The following FBL variants were observed in gnomAD, a reference collection of about 807,000 sequenced individuals.
FBL encodes the protein rRNA 2'-O-methyltransferase fibrillarin.
In FBL, 10 loss-of-function variants were observed where a neutral mutation model predicts 42.2. The ratio of observed to expected loss-of-function variants is 0.24; its 90% CI spans 0.15 to 0.40. The LOEUF (loss-of-function observed/expected upper bound fraction) is 0.40, where lower values mean the gene tolerates loss of function less well. Ranked by LOEUF, FBL falls within the 10% of genes least tolerant of loss-of-function variation. The pLI, the probability that FBL is intolerant of heterozygous loss-of-function variation, is 1.00. For missense variants in FBL, 351 were observed against 439.2 expected (o/e 0.80, Z 1.79); for synonymous variants, 165 against 165.4 (o/e 1.00, Z 0.02).
chr19:39,838,910 C>A (rs1166507713), intron 5 of FBL, 125 bp downstream of exon 5: 4 of 818,026 alleles, frequency 4.9e-6, no homozygotes, highest in South Asian at 1.7e-5. Flanking sequence ...CTCACAGGCA[C>A]AGTGACAGAA....
intron 6 of FBL, 78 bp from the exon 7 acceptor site, chr19:39,836,746 C>T (rs1180474582): frequency 9.5e-7 from 1 of 1,050,038 alleles, no homozygotes; most frequent in South Asian, 1.5e-5. Flanking sequence ...CTATGCCCAT[C>T]ACCAGCAGGT....
intron 1 of FBL, among the ~76,000 whole-genome samples, chr19:39,844,595 A>T (rs1237656099): frequency 6.6e-6 from 1 of 151,888 alleles, no homozygotes; most frequent in Non-Finnish European, 1.5e-5. Flanking sequence ...GTTATCCTTG[A>T]CTCCGATCAC....
intron 1 of FBL, among the ~76,000 whole-genome samples, chr19:39,845,447 G>A (rs760042700): frequency 3.9e-5 from 6 of 152,188 alleles, no homozygotes; most frequent in Non-Finnish European, 5.9e-5. Flanking sequence ...ACTTGCCCAA[G>A]TTCACACAGC....
Position 39,834,657 on chromosome 19 carries a change from C to G in FBL, c.941+11G>C, listed in dbSNP as rs761881440. ...ATGTCTGTCTTGGTGTATTGCTGGG[C>G]CCCTGCTCACCTGTACACTCCCACG... On this transcript the variant is annotated intron_variant, in intron 8 of 8. Transcript: ENST00000221801. 4 of 1,614,084 alleles carry G rather than the reference C, an allele frequency of 2.5e-6. No homozygotes were observed. The Admixed American group carries it at 6.7e-5, about 27-fold the overall frequency.
At position 39,834,839 on chromosome 19, in the gene FBL, T is replaced by C. The variant is rs1245339075; in HGVS notation, c.796-26A>G. 3.1e-6 allele frequency: 5 copies of C among 1,613,478 alleles called. No homozygotes were observed. The Admixed American group carries it at 6.7e-5, about 22-fold the overall frequency. On this transcript the variant is annotated intron_variant, in intron 7 of 8. Transcript: ENST00000221801. ...CTAAAGAGGAGAAAGGACTAATGTCTACAACAGGGCTTTGGGCTGTTTTTC... is the reference window on the plus strand; with the variant it reads ...CTAAAGAGGAGAAAGGACTAATGTCCACAACAGGGCTTTGGGCTGTTTTTC...
rs781371222 is a variant in FBL, at chr19:39,839,104, C to T, written c.480G>A (p.Gly160=). Residue 160 remains glycine, a synonymous_variant, in exon 5 of 9, where the codon GGG becomes GGA. Transcript: ENST00000221801. The part of the protein sequence containing the change: ...GGVDQIHIKP[G]AKVLYLGAAS... ...CAGCCCCGAGGTAGAGAACCTTAGC[C>T]CCCGGTTTGATGTGGATCTGGTCCA... 1.2e-6 allele frequency: 2 copies of T among 1,614,158 alleles called. No homozygotes were observed. Among genetic ancestry groups the T allele is most frequent in the South Asian group, 1.1e-5 (1 of 91,076 alleles).
chr19:39,840,712 C>G lies in FBL; in HGVS notation c.86G>C (p.Gly29Ala), dbSNP rs550579932. ...GDRGGRGGRGGFGGGRGRGGG... is the reference protein window; with the variant it reads ...GDRGGRGGRGAFGGGRGRGGG... The stretch of plus-strand genomic sequence containing the variant: ...GCCTCGACCTCGGCCCCCGCCAAAG[C>G]CCCCTCGGCCTCCACGACCACCACG... The change falls in exon 2 of 9, where the codon GGC (glycine) becomes GCC (alanine). Residue 29 changes from glycine to alanine, a missense_variant. Coordinates refer to ENST00000221801, the MANE Select transcript of FBL (RefSeq NM_001436.4). The surrounding 1 kb of genome is among the most constrained non-coding windows in gnomAD (Gnocchi z 4.5). 7.0e-6 allele frequency: 11 copies of G among 1,582,578 alleles called. No individual in the cohort carries two copies. The Admixed American group carries it at 2.0e-4, about 29-fold the overall frequency.
intron 1 of FBL, among the ~76,000 whole-genome samples, chr19:39,845,747 A>C (rs10425638): frequency 6.6e-6 from 1 of 152,150 alleles, no homozygotes; most frequent in Non-Finnish European, 1.5e-5. Context: ...AAGTGAGCCG[A>C]AGAGCGCCGC....
In FBL at chr19:39,839,203, T is replaced by C; in HGVS notation, c.381A>G (p.Glu127=). The C allele has an allele frequency of 6.2e-7, 1 of 1,607,482 alleles. No homozygotes were observed. The highest frequency in any genetic ancestry group is 8.5e-7 in the Non-Finnish European group (1 of 1,175,600). ...CTCGGTACTCAATTTTGTCATCTCC[T>C]TCCTAGATGAGAGATGGGGACAGAA... ...VYGEKRVSIS[E]GDDKIEYRAW... Residue 127 remains glutamate (E), a splice_region_variant and synonymous_variant, in exon 5 of 9, where the codon GAA becomes GAG. Transcript: ENST00000221801.
chr19:39,836,228 C>A (rs1420663004), intron 7 of FBL, among the ~76,000 whole-genome samples: 1 of 151,732 alleles, frequency 6.6e-6, no homozygotes, highest in African/African-American at 2.4e-5. Flanking sequence ...ATGCCAGGAT[C>A]TTTTCTAAAC....
chr19:39,839,765 C>T (rs368107296), intron 4 of FBL, among the ~76,000 whole-genome samples: 9 of 151,952 alleles, frequency 5.9e-5, no homozygotes, highest in Non-Finnish European at 1.3e-4. Context: ...AGAGGGAGAG[C>T]GATTAGGAAG....
chr19:39,836,631 T>C lies in FBL; in HGVS notation c.720A>G (p.Pro240=). The C allele has an allele frequency of 6.2e-7, 1 of 1,614,190 alleles. No homozygotes were observed. The highest frequency in any genetic ancestry group is 1.1e-5 in the South Asian group (1 of 91,086). The change falls in exon 7 of 9, where the codon CCA becomes CCG. Residue 240 remains proline (P), a synonymous_variant. Transcript: ENST00000221801. The stretch of plus-strand genomic sequence containing the variant: ...TCAGGGCCACAATCCGGGTCTGGTC[T>C]GGCTGGGCCACATCAGCAAAGATCA... The part of the protein sequence containing the change: ...VDVIFADVAQ[P]DQTRIVALNA...
intron 1 of FBL, among the ~76,000 whole-genome samples, chr19:39,843,859 T>C (rs1969208934): frequency 6.6e-6 from 1 of 152,208 alleles, no homozygotes; most frequent in Non-Finnish European, 1.5e-5. Flanking sequence ...ACATATATAC[T>C]ATCTGGCACC....
At chr19:39,838,723 A>G (rs1199144628) in intron 5 of FBL, 1 of 242,928 alleles carries the variant, frequency 4.1e-6, no homozygotes, top group Non-Finnish European at 7.9e-6. Context: ...AGAAACCAGA[A>G]GAGCAGGTTT....
Position 39,839,015 on chromosome 19 carries a change from C to A in FBL, c.549+20G>T. 6.3e-7 allele frequency: 1 copy of A among 1,597,752 alleles called. No individual in the cohort carries two copies. The highest frequency in any genetic ancestry group is 8.5e-7 in the Non-Finnish European group (1 of 1,171,476). Reference sequence around the variant, plus strand: ...GAGGCAGCCTTTACCTCCTGCCTGACTCTCCATCTACTCACTCACCGGACC... The same window carrying A: ...GAGGCAGCCTTTACCTCCTGCCTGAATCTCCATCTACTCACTCACCGGACC... On this transcript the variant is annotated intron_variant, in intron 5 of 8. Coordinates refer to ENST00000221801, the MANE Select transcript of FBL (RefSeq NM_001436.4).
intron 1 of FBL, among the ~76,000 whole-genome samples, chr19:39,843,704 G>A (rs118002667): frequency 0.026 from 3,998 of 152,304 alleles, 79 homozygotes; most frequent in Non-Finnish European, 0.039. Context: ...ACAGGCGGAG[G>A]TTGCAGTGAG....
chr19:39,837,512 A>C (rs1250952261), intron 6 of FBL, among the ~76,000 whole-genome samples, 199 bp downstream of exon 6: 1 of 152,154 alleles, frequency 6.6e-6, no homozygotes, highest in African/African-American at 2.4e-5. Flanking sequence ...TTGGCCCTCC[A>C]AGGGTGGCTT....
In FBL at chr19:39,837,728, T is replaced by C. The variant is rs765663028; in HGVS notation, c.665A>G (p.Lys222Arg). 3.8e-6 allele frequency: 6 copies of C among 1,585,306 alleles called. No individual in the cohort carries two copies. Among genetic ancestry groups the C allele is most frequent in the Non-Finnish European group, 5.1e-6 (6 of 1,167,062 alleles). ...PVIEDARHPH[K>R]YRMLIAMVDV... ...CCCCTCACCGATGAGCATGCGGTAT[T>C]TGTGTGGGTGTCGAGCATCCTCGAT... The change falls in exon 6 of 9, where the codon AAA becomes AGA. Residue 222 changes from lysine to arginine, a missense_variant. By Grantham distance (26) the Lys-to-Arg change is conservative. Transcript: ENST00000221801.
chr19:39,836,832 A>C (rs1367033865), intron 6 of FBL, among the ~76,000 whole-genome samples, 164 bp from the exon 7 acceptor site: 1 of 152,168 alleles, frequency 6.6e-6, no homozygotes, highest in Non-Finnish European at 1.5e-5. Context: ...TCCCAAGATG[A>C]GTCCAAAACC....
Sources: allele counts gnomAD v4.1 joint callset (sites outside exome capture counted in the v4.1 genomes callset), GRCh38; gene constraint gnomAD v4.1.1; non-coding constraint Gnocchi (gnomAD v3.1); transcripts MANE v1.5; gene names NCBI Gene and HGNC (gene_info 2026-07-23, HGNC 2026-07-21).